CDH13: variants seen among roughly 807,000 people sequenced by gnomAD.
CDH13 encodes cadherin-13.
CDH13 carries 24 observed loss-of-function variants against 63.8 expected under a neutral mutation model. That is an observed-to-expected ratio of 0.38 (90% CI 0.27 to 0.53). The LOEUF (loss-of-function observed/expected upper bound fraction) is 0.53, where lower values mean the gene tolerates loss of function less well. Ranked by LOEUF, CDH13 falls within the 20% of genes least tolerant of loss-of-function variation. The probability of loss-of-function intolerance (pLI) is 0.85; values close to 1 mark genes in which losing one functional copy is unlikely to be tolerated. For synonymous variants in CDH13, 503 were observed against 355.3 expected (o/e 1.42, Z -4.67); for missense variants, 1,049 against 903.1 (o/e 1.16, Z -2.07).
At chr16:83,651,726 G>C (rs1271853790) in intron 8 of CDH13, among the ~76,000 whole-genome samples, 2 of 151,106 alleles carry the variant, frequency 1.3e-5, no homozygotes, top group African/African-American at 4.9e-5. Flanking sequence ...CTCCCAAGTA[G>C]CTGGGATTAC....
chr16:83,644,491 A>G (rs1261984185), intron 8 of CDH13, among the ~76,000 whole-genome samples: 1 of 152,244 alleles, frequency 6.6e-6, no homozygotes, highest in East Asian at 1.9e-4. Flanking sequence ...CCCAAAAGCA[A>G]AATGCCTGGC....
At chr16:83,246,536 C>A (rs1331301448) in intron 5 of CDH13, among the ~76,000 whole-genome samples, 1 of 152,112 alleles carries the variant, frequency 6.6e-6, no homozygotes, top group Non-Finnish European at 1.5e-5. Flanking sequence ...GTTCATTCAT[C>A]TCCATTTTAT....
chr16:83,632,452 T>C (rs1360687462), intron 8 of CDH13, among the ~76,000 whole-genome samples: 2 of 152,082 alleles, frequency 1.3e-5, no homozygotes, highest in Non-Finnish European at 2.9e-5. Flanking sequence ...ATGCTTTCTG[T>C]TTATTATCAC....
chr16:83,400,100 G>A (rs957204574), intron 6 of CDH13, among the ~76,000 whole-genome samples: 1 of 151,710 alleles, frequency 6.6e-6, no homozygotes, highest in East Asian at 1.9e-4. Context: ...GGAGCATGCT[G>A]AGGCCTAGAT....
intron 2 of CDH13, among the ~76,000 whole-genome samples, chr16:82,948,035 A>G (rs1904922093): frequency 6.6e-6 from 1 of 152,170 alleles, no homozygotes; most frequent in Non-Finnish European, 1.5e-5. Flanking sequence ...TAACATGGTA[A>G]TTTAATATTT....
intron 1 of CDH13, among the ~76,000 whole-genome samples, chr16:82,645,823 C>T (rs1382584097): frequency 6.6e-6 from 1 of 152,164 alleles, no homozygotes; most frequent in Non-Finnish European, 1.5e-5. Context: ...ATGAAGAAAC[C>T]AGTAAGATGC....
chr16:82,740,410 C>T (rs114696740), intron 1 of CDH13, among the ~76,000 whole-genome samples: 2 of 152,178 alleles, frequency 1.3e-5, no homozygotes, highest in Non-Finnish European at 1.5e-5. Flanking sequence ...TTAGCCCAAC[C>T]CGCTTTCTTC....
chr16:83,362,440 C>T (rs1329291405), intron 6 of CDH13, among the ~76,000 whole-genome samples: 1 of 152,130 alleles, frequency 6.6e-6, no homozygotes, highest in Non-Finnish European at 1.5e-5. Flanking sequence ...TCTCTTTTTG[C>T]CCTAGGCAAT....
At chr16:83,357,770 A>G (rs1407540890) in intron 6 of CDH13, among the ~76,000 whole-genome samples, 1 of 152,248 alleles carries the variant, frequency 6.6e-6, no homozygotes, top group Non-Finnish European at 1.5e-5. Context: ...AGTTTTAGTT[A>G]TAAAGCCCAA....
intron 7 of CDH13, among the ~76,000 whole-genome samples, chr16:83,596,078 C>T (rs369452724): frequency 2.8e-4 from 43 of 152,292 alleles, no homozygotes; most frequent in African/African-American, 9.6e-4. Flanking sequence ...AGCCTTGAAC[C>T]AAAGAAACAC....
chr16:82,762,323 A>G (rs2034885541), intron 1 of CDH13, among the ~76,000 whole-genome samples: 1 of 152,220 alleles, frequency 6.6e-6, no homozygotes, highest in African/African-American at 2.4e-5. Context: ...GTTATCTACT[A>G]TTCATAAAAA....
intron 5 of CDH13, among the ~76,000 whole-genome samples, chr16:83,315,909 C>T (rs968984985): frequency 1.3e-5 from 2 of 152,108 alleles, no homozygotes; most frequent in Non-Finnish European, 2.9e-5. Flanking sequence ...TATATTGAAA[C>T]ACATTGTATT....
chr16:82,937,438 G>C (rs865992939), intron 2 of CDH13, among the ~76,000 whole-genome samples: 21 of 146,852 alleles, frequency 1.4e-4, no homozygotes, highest in African/African-American at 4.5e-4. Context: ...CACACACACA[G>C]ACACACACAC....
chr16:82,673,822 G>A (rs1913577669), intron 1 of CDH13, among the ~76,000 whole-genome samples: 1 of 152,208 alleles, frequency 6.6e-6, no homozygotes, highest in African/African-American at 2.4e-5. Context: ...CATCCATGTG[G>A]AAGTGTTAGC....
chr16:82,684,798 G>A (rs937007117), intron 1 of CDH13, among the ~76,000 whole-genome samples: 1 of 152,202 alleles, frequency 6.6e-6, no homozygotes, highest in East Asian at 1.9e-4. Context: ...CATAGCCTGA[G>A]CCCACTCAGA....
At chr16:82,636,729 C>A (rs553551778) in intron 1 of CDH13, among the ~76,000 whole-genome samples, 76 of 152,254 alleles carry the variant, frequency 5.0e-4, no homozygotes, top group African/African-American at 1.8e-3. Flanking sequence ...ACAACTGGGC[C>A]ACTCTAAAGA....
At chr16:83,153,117 G>A (rs117528712) in intron 4 of CDH13, among the ~76,000 whole-genome samples, 1,838 of 152,310 alleles carry the variant, frequency 0.012, 20 homozygotes, top group Non-Finnish European at 0.02. Flanking sequence ...TGGGAGACTG[G>A]AGTTTTATTA....
chr16:83,227,097 G>T (rs1467649653), intron 5 of CDH13, among the ~76,000 whole-genome samples: 1 of 152,178 alleles, frequency 6.6e-6, no homozygotes, highest in Non-Finnish European at 1.5e-5. Context: ...TTGAAGTCAT[G>T]TTTTACGAAA....
intron 1 of CDH13, among the ~76,000 whole-genome samples, chr16:82,719,683 T>A (rs1235149530): frequency 1.3e-5 from 2 of 152,038 alleles, no homozygotes; most frequent in Non-Finnish European, 2.9e-5. Context: ...CCGTCTCTAC[T>A]GAAAATACAA....
Sources: allele counts gnomAD v4.1 joint callset (sites outside exome capture counted in the v4.1 genomes callset), GRCh38; gene constraint gnomAD v4.1.1; transcripts MANE v1.5; gene names NCBI Gene and HGNC (gene_info 2026-07-23, HGNC 2026-07-21).